EIF1AX: variants seen among roughly 807,000 people sequenced by gnomAD.
EIF1AX encodes the protein eukaryotic translation initiation factor 1A, X-chromosomal.
EIF1AX carries 1 observed loss-of-function variant against 16.1 expected under a neutral mutation model. The ratio of observed to expected loss-of-function variants is 0.06; its 90% confidence interval spans 0.02 to 0.30. EIF1AX has a LOEUF of 0.30. Among genes scored for constraint, EIF1AX ranks in the 10% least tolerant of loss-of-function variants. The pLI is 1.00. For missense variants in EIF1AX, 11 were observed against 109.1 expected, an observed-to-expected ratio of 0.10 and a Z score of 4.00; for synonymous variants, 32 against 37.3, an observed-to-expected ratio of 0.86 and a Z score of 0.51.
At position 20,135,629 on chromosome X, in the gene EIF1AX, G is replaced by GTA. The variant is rs1037142593; in HGVS notation, c.204+107_204+108dup. Reference sequence around the variant, plus strand: ...TATAGGTAAATCACTGTTTACCAAGGTAAGTCTTTTGGGAATTTCCAAAAA... The same window carrying GTA: ...TATAGGTAAATCACTGTTTACCAAGGTATAAGTCTTTTGGGAATTTCCAAAAA... On this transcript the variant is annotated intron_variant, in intron 3 of 6. Transcript: ENST00000379607. 9.5e-6 allele frequency: 5 copies of GTA among 524,491 alleles called. No individual in the cohort carries two copies. In the Admixed American group the frequency reaches 1.5e-4, roughly 16 times the overall value. 43.2% of individuals were successfully genotyped at this position (524,491 alleles called of 1,213,427 possible).
At chrX:20,137,537 A>C in intron 2 of EIF1AX, among the ~76,000 whole-genome samples, 1 of 112,038 alleles carries the variant, frequency 8.9e-6, no homozygotes, top group Non-Finnish European at 1.9e-5. Context: ...CTAATACTGC[A>C]ACTTTCTGTA....
intron 2 of EIF1AX, among the ~76,000 whole-genome samples, chrX:20,136,777 T>TTC (rs1475474124): frequency 8.9e-6 from 1 of 111,747 alleles, no homozygotes; most frequent in Non-Finnish European, 1.9e-5. Context: ...GCAGCCTTTC[T>TTC]TCTGAAGTGA....
intron 1 of EIF1AX, among the ~76,000 whole-genome samples, chrX:20,141,199 G>A (rs928785740): frequency 5.4e-5 from 6 of 111,391 alleles, no homozygotes; most frequent in African/African-American, 1.6e-4. Flanking sequence ...GGAGTACCTG[G>A]TGCTCACGAA....
chrX:20,139,122 G>A (rs1461484195), intron 1 of EIF1AX, among the ~76,000 whole-genome samples: 1 of 111,563 alleles, frequency 9.0e-6, no homozygotes, highest in Non-Finnish European at 1.9e-5. Flanking sequence ...AGTGGTGTGC[G>A]CCTAGGGTCT....
chrX:20,125,834 C>T lies in EIF1AX; in HGVS notation c.*2472G>A, dbSNP rs867510602. On this transcript the variant is annotated 3_prime_UTR_variant, in exon 7 of 7. Transcript: ENST00000379607. The stretch of plus-strand genomic sequence containing the variant: ...GATTCCACAGATGTGGTGAGTAAAC[C>T]AACAGCCATTCCTAAATAAAATACA... 6.4e-6 allele frequency: 1 copy of T among 157,113 alleles called. No homozygotes were observed. Among genetic ancestry groups the T allele is most frequent in the Non-Finnish European group, 1.2e-5 (1 of 80,725 alleles). 12.9% of individuals were successfully genotyped at this position (157,113 alleles called of 1,213,427 possible).
rs1175031806 is a variant in EIF1AX at position 20,132,276 on chromosome X, CA to C, written c.256-14del. 9.2e-7 allele frequency: 1 copy of C among 1,089,239 alleles called. No homozygotes were observed. The highest frequency in any genetic ancestry group is 1.8e-5 in the African/African-American group (1 of 54,279). The allele number at this position is 1,089,239 out of a possible 1,213,427, so 89.8% of individuals were successfully genotyped here. A position where few individuals can be genotyped will look rare whatever the true frequency, so the allele number is the denominator to read the frequency against. ...CAGCTTTGTTATCCTTAAATAGAGA[CA>C]AATAACTTTAAAAAACTGATCATAA... On this transcript the variant is annotated splice_polypyrimidine_tract_variant and intron_variant, in intron 4 of 6. Transcript: ENST00000379607.
At chrX:20,131,754 A>C (rs1289531396) in intron 5 of EIF1AX, among the ~76,000 whole-genome samples, 1 of 97,074 alleles carries the variant, frequency 1.0e-5, no homozygotes, top group Non-Finnish European at 2.0e-5. Flanking sequence ...GTATAGTGGC[A>C]TGATCATAGG....
intron 5 of EIF1AX, among the ~76,000 whole-genome samples, chrX:20,131,314 A>C (rs1157456666): frequency 8.9e-6 from 1 of 111,953 alleles, no homozygotes; most frequent in Non-Finnish European, 1.9e-5. Context: ...ACAACGATAA[A>C]ATGGAAATAT....
Position 20,141,801 on chromosome X carries a change from A to C in EIF1AX, c.-161T>G. The C allele has an allele frequency of 4.0e-6, 2 of 499,023 alleles. No individual in the cohort carries two copies. The allele number at this position is 499,023 out of a possible 1,213,427, so 41.1% of individuals were successfully genotyped here. ...AGAGGCTGGCGACCCAGCTCTTCAG[A>C]GATCCGCCTGCGTCCACGCTCGGCG... On this transcript the variant is annotated 5_prime_UTR_variant, in exon 1 of 7. Coordinates refer to ENST00000379607, the MANE Select transcript of EIF1AX (RefSeq NM_001412.4).
At chrX:20,141,581 C>A in intron 1 of EIF1AX, 44 bp downstream of exon 1, 1 of 1,142,829 alleles carries the variant, frequency 8.8e-7, no homozygotes, top group South Asian at 2.0e-5. Flanking sequence ...ACCTGGGAGA[C>A]CCGGCCGAGC....
Position 20,137,491 on chromosome X carries a change from TG to T in EIF1AX, c.100+1047del, listed in dbSNP as rs2067021030. ...CCACATATATATTTCTTTATATGTG[TG>T]TGTACAGATGAAGGATTTAAGGGAG... is the stretch of plus-strand genomic sequence containing the variant. On this transcript the variant is annotated intron_variant, in intron 2 of 6. Coordinates refer to ENST00000379607, the MANE Select transcript of EIF1AX (RefSeq NM_001412.4). Among the ~76,000 whole-genome samples, 3 of 111,110 alleles carry T rather than the reference TG, an allele frequency of 2.7e-5. No homozygotes were observed. In the East Asian group the frequency reaches 8.4e-4, roughly 31 times the overall value.
intron 6 of EIF1AX, 102 bp from the exon 7 acceptor site, chrX:20,128,413 G>C (rs752039413): frequency 7.0e-5 from 45 of 645,346 alleles, no homozygotes; most frequent in Non-Finnish European, 9.7e-5. Context: ...GGCTATGTGA[G>C]AAACAAATCC....
At chrX:20,136,405 C>A (rs767941987) in intron 2 of EIF1AX, 49 of 285,413 alleles carry the variant, frequency 1.7e-4, no homozygotes, top group African/African-American at 1.2e-3. Context: ...AAAAGCAGAT[C>A]TCAGAGAATG....
intron 5 of EIF1AX, 95 bp from the exon 6 acceptor site, chrX:20,130,702 A>G (rs960664716): frequency 4.0e-5 from 34 of 840,874 alleles, no homozygotes; most frequent in Non-Finnish European, 5.0e-5. Context: ...CAATAACTAT[A>G]AAGAATATTT....
At chrX:20,130,732 A>C in intron 5 of EIF1AX, 125 bp from the exon 6 acceptor site, 1 of 628,547 alleles carries the variant, frequency 1.6e-6, no homozygotes. Context: ...AAATTCCTGC[A>C]GTGTCACTGC....
intron 1 of EIF1AX, among the ~76,000 whole-genome samples, chrX:20,141,298 C>T (rs1490888571): frequency 1.8e-5 from 2 of 111,815 alleles, no homozygotes; most frequent in Admixed American, 1.9e-4. Flanking sequence ...TCTACTAAAC[C>T]TAGGCCGCCC....
chrX:20,137,409 G>A (rs1226865599), intron 2 of EIF1AX, among the ~76,000 whole-genome samples: 1 of 110,764 alleles, frequency 9.0e-6, no homozygotes, highest in African/African-American at 3.3e-5. Context: ...TCGCGCCACT[G>A]CACTCCAGCC....
At chrX:20,138,109 A>G (rs2067023359) in intron 2 of EIF1AX, among the ~76,000 whole-genome samples, 2 of 100,533 alleles carry the variant, frequency 2.0e-5, no homozygotes, top group African/African-American at 7.5e-5. Context: ...GGTTCAAACA[A>G]TTCTCCTGCC....
intron 2 of EIF1AX, among the ~76,000 whole-genome samples, chrX:20,138,283 G>A (rs1401482069): frequency 2.7e-5 from 3 of 109,714 alleles, no homozygotes; most frequent in Non-Finnish European, 5.7e-5. Flanking sequence ...GATTACAGAC[G>A]TGAGCCACTG....
Sources: allele counts gnomAD v4.1 joint callset (sites outside exome capture counted in the v4.1 genomes callset), GRCh38; gene constraint gnomAD v4.1.1; transcripts MANE v1.5; gene names NCBI Gene and HGNC (gene_info 2026-07-23, HGNC 2026-07-21).